PPM1H: variants seen among roughly 807,000 people sequenced by gnomAD.
The protein encoded by PPM1H is protein phosphatase 1H.
A neutral mutation model predicts 54.9 loss-of-function variants in PPM1H; 27 were observed. That is an observed-to-expected ratio of 0.49 (90% CI 0.36 to 0.68). PPM1H has a LOEUF of 0.68. Among genes scored for constraint, PPM1H ranks in the 30% least tolerant of loss-of-function variants. The pLI, the probability that PPM1H is intolerant of heterozygous loss-of-function variation, is 0.00. For missense variants in PPM1H, 596 were observed against 667.8 expected (o/e 0.89, Z 1.19); for synonymous variants, 305 against 270.8 (o/e 1.13, Z -1.24).
rs115511130 is a variant in PPM1H, at chr12:62,670,664, C to G, written c.1246-3335G>C. 8.9e-3 allele frequency among the ~76,000 whole-genome samples: 1,358 copies of G among 152,272 alleles called. 23 individuals carry two copies. Among genetic ancestry groups the G allele is most frequent in the African/African-American group, 0.031 (1,294 of 41,548 alleles). ...GTTATAAAATGCTACTCTTCAATTC[C>G]ATCAATAAATGTAATCTTTCCCTAA... On this transcript the variant is annotated intron_variant, in intron 8 of 9. Transcript: ENST00000228705.
chr12:62,867,662 C>G (rs934136619), intron 1 of PPM1H, among the ~76,000 whole-genome samples: 2 of 144,640 alleles, frequency 1.4e-5, no homozygotes, highest in African/African-American at 5.2e-5. Context: ...ACTGCAAGCT[C>G]CGCCTCCCGG....
At position 62,934,707 on chromosome 12, in the gene PPM1H, G is replaced by C; in HGVS notation, c.30C>G (p.Ala10=). The change falls in exon 1 of 10, where the codon GCC becomes GCG. Residue 10 remains alanine (A), a synonymous_variant. Coordinates refer to ENST00000228705, the MANE Select transcript of PPM1H (RefSeq NM_020700.2). The surrounding 1 kb of genome is among the most constrained non-coding windows in gnomAD (Gnocchi z 4.2). ...CAGCCATGATGCCGCCCATGAAATT[G>C]GCCACGGCAGATTTCACTCGAGTGA... MLTRVKSAV[A]NFMGGIMAGS... 6.2e-7 allele frequency: 1 copy of C among 1,605,844 alleles called. No homozygotes were observed. Among genetic ancestry groups the C allele is most frequent in the Non-Finnish European group, 8.5e-7 (1 of 1,175,722 alleles).
chr12:62,693,429 A>C (rs2076094299), intron 7 of PPM1H, among the ~76,000 whole-genome samples: 1 of 152,192 alleles, frequency 6.6e-6, no homozygotes, highest in Non-Finnish European at 1.5e-5. Flanking sequence ...AGACTTGCAA[A>C]GTCTGGACTT....
chr12:62,667,237 T>C lies in PPM1H; in HGVS notation c.1338A>G (p.Glu446=), dbSNP rs1392440388. 1 of 1,600,076 alleles carries C rather than the reference T, an allele frequency of 6.2e-7. No homozygotes were observed. Among genetic ancestry groups the C allele is most frequent in the Admixed American group, 1.7e-5 (1 of 59,978 alleles). Residue 446 remains glutamate, a synonymous_variant, in exon 9 of 10, where the codon GAA becomes GAG. Transcript: ENST00000228705. ...ACTGAGTGATTGCTTCTGCTACTTCTTCATTTGATAAAACGTCCCAGAGTC... is the reference window on the plus strand; with the variant it reads ...ACTGAGTGATTGCTTCTGCTACTTCCTCATTTGATAAAACGTCCCAGAGTC... ...TDGLWDVLSN[E]EVAEAITQFL...
chr12:62,846,607 C>T (rs1868980503), intron 1 of PPM1H, among the ~76,000 whole-genome samples: 1 of 151,736 alleles, frequency 6.6e-6, no homozygotes, highest in African/African-American at 2.4e-5. Context: ...TCTCCTCGCA[C>T]CCCCTCATCC....
chr12:62,803,961 A>T (rs2120754875), intron 2 of PPM1H, among the ~76,000 whole-genome samples: 1 of 152,312 alleles, frequency 6.6e-6, no homozygotes, highest in African/African-American at 2.4e-5. Flanking sequence ...TTGTGAAAAG[A>T]TGCTCACCAT....
chr12:62,748,315 A>G (rs1252323319), intron 4 of PPM1H, among the ~76,000 whole-genome samples: 1 of 152,164 alleles, frequency 6.6e-6, no homozygotes, highest in South Asian at 2.1e-4. Flanking sequence ...CTGAAGTCCA[A>G]TTCCAAACCA....
At chr12:62,832,974 T>G (rs1446344818) in intron 1 of PPM1H, among the ~76,000 whole-genome samples, 1 of 152,218 alleles carries the variant, frequency 6.6e-6, no homozygotes, top group Admixed American at 6.5e-5. Context: ...CTACATGTTT[T>G]AAGCATAGAA....
chr12:62,719,063 A>G (rs1269341085), intron 6 of PPM1H, among the ~76,000 whole-genome samples: 3 of 152,218 alleles, frequency 2.0e-5, no homozygotes, highest in East Asian at 3.8e-4. Flanking sequence ...CTTAGGTCAT[A>G]GTTTGCTAAC....
chr12:62,881,750 TTC>T (rs1480498400), intron 1 of PPM1H, among the ~76,000 whole-genome samples: 1 of 152,202 alleles, frequency 6.6e-6, no homozygotes, highest in East Asian at 1.9e-4. Context: ...TCTTCAATAG[TTC>T]TCTGATTCAA....
intron 1 of PPM1H, among the ~76,000 whole-genome samples, chr12:62,886,892 T>C (rs1028301256): frequency 2.0e-5 from 3 of 152,228 alleles, no homozygotes; most frequent in Admixed American, 6.5e-5. Context: ...TGGAATCATG[T>C]TGGCATTTAG....
At chr12:62,825,599 T>C (rs1345202884) in intron 2 of PPM1H, among the ~76,000 whole-genome samples, 1 of 152,136 alleles carries the variant, frequency 6.6e-6, no homozygotes, top group Non-Finnish European at 1.5e-5. Flanking sequence ...TGGATGAAAC[T>C]GGAAACCATC....
At chr12:62,876,353 T>G (rs554462407) in intron 1 of PPM1H, among the ~76,000 whole-genome samples, 15 of 152,274 alleles carry the variant, frequency 9.9e-5, no homozygotes, top group African/African-American at 3.6e-4. Flanking sequence ...TAGGCTTCAT[T>G]GATGGAAGCC....
intron 2 of PPM1H, among the ~76,000 whole-genome samples, chr12:62,804,359 A>G (rs1234769377): frequency 6.6e-6 from 1 of 152,098 alleles, no homozygotes; most frequent in Non-Finnish European, 1.5e-5. Context: ...CTCAAAAAAA[A>G]AAGATTGTTT....
At chr12:62,652,257 G>T (rs1592524490) in intron 9 of PPM1H, among the ~76,000 whole-genome samples, 1 of 152,130 alleles carries the variant, frequency 6.6e-6, no homozygotes, top group Non-Finnish European at 1.5e-5. Flanking sequence ...CTGTCATCCA[G>T]GCTGGAGTGC....
chr12:62,788,493 T>C (rs180994171), intron 3 of PPM1H, 155 bp from the exon 4 acceptor site: 2 of 563,790 alleles, frequency 3.5e-6, no homozygotes, highest in Non-Finnish European at 6.3e-6. Flanking sequence ...CTGATGAGCA[T>C]TTCTGGAGAG....
chr12:62,811,150 AAGG>A (rs1413020911), intron 2 of PPM1H, among the ~76,000 whole-genome samples: 1 of 152,196 alleles, frequency 6.6e-6, no homozygotes, highest in East Asian at 1.9e-4. Context: ...GGATAGCAAG[AAGG>A]AGTTCTCTGT....
At chr12:62,855,050 A>G (rs2120948410) in intron 1 of PPM1H, among the ~76,000 whole-genome samples, 1 of 152,254 alleles carries the variant, frequency 6.6e-6, no homozygotes, top group African/African-American at 2.4e-5. Flanking sequence ...GAGTCAGCAA[A>G]AGCCACTGTG....
intron 5 of PPM1H, among the ~76,000 whole-genome samples, chr12:62,734,132 ATTT>A (rs60742123): frequency 7.9e-4 from 113 of 142,540 alleles, no homozygotes; most frequent in African/African-American, 2.7e-3. Flanking sequence ...TGCCACATGA[ATTT>A]TTTTTTTTTT....
Sources: allele counts gnomAD v4.1 joint callset (sites outside exome capture counted in the v4.1 genomes callset), GRCh38; gene constraint gnomAD v4.1.1; non-coding constraint Gnocchi (gnomAD v3.1); transcripts MANE v1.5; gene names NCBI Gene and HGNC (gene_info 2026-07-23, HGNC 2026-07-21).